The following CDYL variants were observed in gnomAD, a reference collection of about 807,000 sequenced individuals.
CDYL encodes chromodomain Y-like protein.
A neutral mutation model predicts 47.3 loss-of-function variants in CDYL; 8 were observed. That is an observed-to-expected ratio of 0.17 (90% CI 0.10 to 0.31). The LOEUF (loss-of-function observed/expected upper bound fraction) is 0.31, where lower values mean the gene tolerates loss of function less well. Ranked by LOEUF, CDYL falls within the 10% of genes least tolerant of loss-of-function variation. The probability of loss-of-function intolerance (pLI) is 1.00; values close to 1 mark genes in which losing one functional copy is unlikely to be tolerated. For synonymous variants in CDYL, 266 were observed against 265.0 expected (o/e 1.00, Z -0.04); for missense variants, 471 against 701.4 (o/e 0.67, Z 3.71).
chr6:4,910,854 G>A (rs1002149195), intron 2 of CDYL, among the ~76,000 whole-genome samples: 37 of 150,322 alleles, frequency 2.5e-4, no homozygotes, highest in African/African-American at 9.1e-4. Context: ...TTTTCCCCAA[G>A]ACGGAGTCTC....
chr6:4,729,946 G>C (rs1040314539), intron 2 of CDYL, among the ~76,000 whole-genome samples: 1 of 152,066 alleles, frequency 6.6e-6, no homozygotes, highest in Admixed American at 6.6e-5. Context: ...AATAGTACAG[G>C]TACCTTGAAA....
At chr6:4,942,541 T>A (rs999290857) in intron 4 of CDYL, among the ~76,000 whole-genome samples, 2 of 152,262 alleles carry the variant, frequency 1.3e-5, no homozygotes, top group Non-Finnish European at 2.9e-5. Flanking sequence ...TCTGCACTTC[T>A]GATCTAGAAC....
intron 3 of CDYL, among the ~76,000 whole-genome samples, chr6:4,756,653 G>A (rs1001340761): frequency 6.6e-6 from 1 of 150,860 alleles, no homozygotes; most frequent in African/African-American, 2.4e-5. Flanking sequence ...ATTCCTAGAG[G>A]GCAAAATGAA....
intron 2 of CDYL, among the ~76,000 whole-genome samples, chr6:4,927,955 C>G (rs937028746): frequency 6.6e-6 from 1 of 152,144 alleles, no homozygotes; most frequent in African/African-American, 2.4e-5. Flanking sequence ...CTTATTGATT[C>G]ATGATGCATG....
intron 3 of CDYL, among the ~76,000 whole-genome samples, chr6:4,765,963 A>T (rs1191950572): frequency 1.3e-5 from 2 of 152,212 alleles, no homozygotes; most frequent in African/African-American, 4.8e-5. Context: ...TACCATACAA[A>T]GAACCAAAAA....
rs190735611 is a variant in CDYL, at chr6:4,937,860, A to G, written c.1121+123A>G. 335 of 699,550 alleles carry G rather than the reference A, an allele frequency of 4.8e-4. 1 individual carries two copies. The highest frequency in any genetic ancestry group is 1.2e-4 in the Non-Finnish European group (51 of 432,674). The allele number at this position is 699,550 out of a possible 1,614,324, so 43.3% of individuals were successfully genotyped here. On this transcript the variant is annotated intron_variant, in intron 4 of 6. Coordinates refer to ENST00000397588, the MANE Select transcript of CDYL (RefSeq NM_004824.4). ...TACACATCTTCTCCCATGGAGAGAC[A>G]CGAGCAGCAAAATTAATTAAATCAT...
At chr6:4,712,201 G>A (rs1757164134) in intron 1 of CDYL, among the ~76,000 whole-genome samples, 1 of 152,232 alleles carries the variant, frequency 6.6e-6, no homozygotes, top group Non-Finnish European at 1.5e-5. Flanking sequence ...CTCTTGAGTA[G>A]ACAGGCTGAC....
At chr6:4,873,367 G>A (rs1400918521) in intron 1 of CDYL, among the ~76,000 whole-genome samples, 1 of 152,062 alleles carries the variant, frequency 6.6e-6, no homozygotes. Flanking sequence ...TTAGCAAAAG[G>A]GGTATATTTA....
chr6:4,923,482 T>G (rs2127510729), intron 2 of CDYL, among the ~76,000 whole-genome samples: 1 of 152,290 alleles, frequency 6.6e-6, no homozygotes, highest in East Asian at 1.9e-4. Context: ...GATGGGCACT[T>G]AGGTTGGTTT....
At chr6:4,724,390 G>C (rs1004714789) in intron 2 of CDYL, 1 of 152,150 alleles carries the variant, frequency 6.6e-6, no homozygotes, top group African/African-American at 2.4e-5. Context: ...GGTGTCTTTC[G>C]TGTAACATGT....
Position 4,723,575 on chromosome 6 carries a change from C to A in CDYL, c.103+7694C>A, listed in dbSNP as rs144437719. On this transcript the variant is annotated intron_variant, in intron 2 of 8. Coordinates refer to the CDYL transcript ENST00000328908. ...GAGGCTGTCCAACCTGAACTCACCA[C>A]GACCCAGCAGGAGGCGGCAAGCCCT... 9.8e-3 allele frequency among the ~76,000 whole-genome samples: 1,498 copies of A among 152,280 alleles called. 24 individuals are homozygous for A. Among genetic ancestry groups the A allele is most frequent in the African/African-American group, 0.034 (1,414 of 41,550 alleles).
In CDYL at chr6:4,819,152, C is replaced by G. The variant is rs1300168933; in HGVS notation, c.24+42345C>G. 2.7e-3 allele frequency among the ~76,000 whole-genome samples: 378 copies of G among 138,388 alleles called. 3 individuals carry two copies. Among genetic ancestry groups the G allele is most frequent in the African/African-American group, 0.011 (345 of 31,696 alleles). The allele number at this position is 138,388 out of a possible 152,430, so 90.8% of individuals were successfully genotyped here. A position where few individuals can be genotyped will look rare whatever the true frequency, so the allele number is the denominator to read the frequency against. On this transcript the variant is annotated intron_variant, in intron 1 of 6. Coordinates refer to ENST00000397588, the MANE Select transcript of CDYL (RefSeq NM_004824.4). ...TCTCTCTCTCTCTCTCTCTCTCTCTCTCTCTCTCTCTGTGTGTGTGTGTGT... is the reference window on the plus strand; with the variant it reads ...TCTCTCTCTCTCTCTCTCTCTCTCTGTCTCTCTCTCTGTGTGTGTGTGTGT...
intron 1 of CDYL, among the ~76,000 whole-genome samples, chr6:4,855,987 A>G (rs1356193141): frequency 6.6e-6 from 1 of 152,246 alleles, no homozygotes; most frequent in Non-Finnish European, 1.5e-5. Flanking sequence ...TACCCCAGGC[A>G]GTTAGAAAAG....
At chr6:4,770,206 G>A (rs1758318653) in intron 3 of CDYL, among the ~76,000 whole-genome samples, 2 of 152,088 alleles carry the variant, frequency 1.3e-5, no homozygotes, top group African/African-American at 4.8e-5. Context: ...TGAGAGCAGG[G>A]ATGATTGTAT....
Position 4,842,790 on chromosome 6 carries a change from A to G in CDYL, c.25-48923A>G, listed in dbSNP as rs149402704. ...TAGGTATTATTCTATTCATTGTGCT[A>G]TGAATACACAACATGGGAACGAATA... is the stretch of plus-strand genomic sequence containing the variant. On this transcript the variant is annotated intron_variant, in intron 1 of 6. Transcript: ENST00000397588. 1.2e-4 allele frequency among the ~76,000 whole-genome samples: 18 copies of G among 152,240 alleles called. No homozygotes were observed. The East Asian group carries it at 3.5e-3, about 29-fold the overall frequency.
At chr6:4,716,400 C>A (rs974165684) in intron 2 of CDYL, among the ~76,000 whole-genome samples, 3 of 152,028 alleles carry the variant, frequency 2.0e-5, no homozygotes, top group African/African-American at 7.3e-5. Flanking sequence ...TCCTATCTGG[C>A]TTCCCTAAAT....
chr6:4,895,084 C>T (rs1581243565), intron 2 of CDYL, among the ~76,000 whole-genome samples: 1 of 149,282 alleles, frequency 6.7e-6, no homozygotes, highest in African/African-American at 2.5e-5. Context: ...TCTATATGCA[C>T]ATATATGTAC....
chr6:4,918,379 C>A (rs7739277), intron 2 of CDYL, among the ~76,000 whole-genome samples: 1 of 150,680 alleles, frequency 6.6e-6, no homozygotes, highest in East Asian at 1.9e-4. Flanking sequence ...GCCCCCCCCC[C>A]TTTTTTTTGG....
At chr6:4,830,573 A>C (rs1760106610) in intron 1 of CDYL, among the ~76,000 whole-genome samples, 1 of 151,916 alleles carries the variant, frequency 6.6e-6, no homozygotes, top group Non-Finnish European at 1.5e-5. Context: ...CATAAGGCTT[A>C]GGTTTCTTTT....
Sources: allele counts gnomAD v4.1 joint callset (sites outside exome capture counted in the v4.1 genomes callset), GRCh38; gene constraint gnomAD v4.1.1; transcripts MANE v1.5; gene names NCBI Gene and HGNC (gene_info 2026-07-23, HGNC 2026-07-21).